Variants in CD96 observed in about 807,000 individuals in gnomAD.
CD96 encodes T-cell surface protein tactile.
Under a neutral mutation model 71.3 loss-of-function variants are expected in CD96, and 70 were observed. The observed-to-expected ratio is 0.98, with a 90% CI of 0.81 to 1.20. CD96 has a LOEUF of 1.20. Ranked by LOEUF, CD96 falls within the 50% of genes most tolerant of loss-of-function variation. The pLI, the probability that CD96 is intolerant of heterozygous loss-of-function variation, is 0.00. For missense variants in CD96, 742 were observed against 677.5 expected (o/e 1.10, Z -1.06); for synonymous variants, 248 against 233.0 (o/e 1.06, Z -0.59).
chr3:111,620,506 T>C (rs1004551623), intron 8 of CD96, among the ~76,000 whole-genome samples: 1 of 152,224 alleles, frequency 6.6e-6, no homozygotes, highest in African/African-American at 2.4e-5. Flanking sequence ...TAAAAGACTT[T>C]AACTCTGACT....
At chr3:111,583,971 A>C (rs1936587711) in intron 4 of CD96, among the ~76,000 whole-genome samples, 1 of 152,234 alleles carries the variant, frequency 6.6e-6, no homozygotes, top group African/African-American at 2.4e-5. Context: ...TCTCCCTAGA[A>C]AATGGGTTTC....
At chr3:111,573,706 T>A (rs1164001144) in intron 3 of CD96, among the ~76,000 whole-genome samples, 2 of 152,240 alleles carry the variant, frequency 1.3e-5, no homozygotes, top group Non-Finnish European at 2.9e-5. Flanking sequence ...CACATAACTA[T>A]AGATTCTCAT....
intron 5 of CD96, 56 bp downstream of exon 5, chr3:111,585,434 G>T: frequency 9.1e-7 from 1 of 1,096,106 alleles, no homozygotes; most frequent in South Asian, 1.2e-5. Flanking sequence ...GGTGTGTCAG[G>T]TTGCATAGTT....
intron 8 of CD96, among the ~76,000 whole-genome samples, chr3:111,617,356 C>T (rs940962535): frequency 3.9e-5 from 6 of 152,166 alleles, no homozygotes; most frequent in South Asian, 4.1e-4. Flanking sequence ...ATAACTTCAT[C>T]GATGACCACT....
intron 3 of CD96, chr3:111,570,853 A>G (rs1231592479): frequency 7.5e-6 from 12 of 1,610,714 alleles, no homozygotes; most frequent in African/African-American, 1.3e-5. Flanking sequence ...CCAGGGTGCA[A>G]GGGTCCTGAC....
At chr3:111,553,657 G>A (rs551248390) in intron 2 of CD96, among the ~76,000 whole-genome samples, 1 of 151,750 alleles carries the variant, frequency 6.6e-6, no homozygotes, top group African/African-American at 2.4e-5. Flanking sequence ...TTTATTTGAT[G>A]TATAGTTTGT....
At chr3:111,660,263 C>A (rs1056327490) in intron 14 of CD96, among the ~76,000 whole-genome samples, 1 of 152,124 alleles carries the variant, frequency 6.6e-6, no homozygotes, top group African/African-American at 2.4e-5. Flanking sequence ...AACCCACTTA[C>A]AATAGCTATG....
downstream of CD96, among the ~76,000 whole-genome samples, chr3:111,657,367 A>G (rs1202194753): frequency 6.6e-6 from 1 of 151,968 alleles, no homozygotes; most frequent in East Asian, 1.9e-4. Flanking sequence ...GTGGTGAGCT[A>G]TCACACCGCT....
chr3:111,567,998 C>G (rs1035183067), intron 3 of CD96, among the ~76,000 whole-genome samples: 2 of 152,190 alleles, frequency 1.3e-5, no homozygotes, highest in Non-Finnish European at 2.9e-5. Flanking sequence ...GTTTCACAAA[C>G]AACATATGCA....
intron 8 of CD96, among the ~76,000 whole-genome samples, chr3:111,612,452 G>A (rs946470133): frequency 6.6e-6 from 1 of 152,114 alleles, no homozygotes; most frequent in Non-Finnish European, 1.5e-5. Flanking sequence ...ATAATACTAA[G>A]CAATAATATT....
intron 8 of CD96, chr3:111,612,830 G>A (rs923247627): frequency 2.6e-5 from 25 of 975,928 alleles, no homozygotes; most frequent in Non-Finnish European, 3.0e-5. Context: ...TCAGACCAGT[G>A]TTTTCCTGAG....
intron 14 of CD96, among the ~76,000 whole-genome samples, chr3:111,661,644 C>T (rs992195931): frequency 1.3e-5 from 2 of 152,242 alleles, no homozygotes; most frequent in African/African-American, 4.8e-5. Context: ...GCAGGGCCAT[C>T]ATTAAATCTT....
chr3:111,662,259 C>G (rs112543132), intron 14 of CD96, among the ~76,000 whole-genome samples: 1 of 152,224 alleles, frequency 6.6e-6, no homozygotes, highest in Non-Finnish European at 1.5e-5. Context: ...CCCAGGAAAC[C>G]ATTTTTCCCT....
chr3:111,660,586 G>A (rs573506754), intron 14 of CD96, among the ~76,000 whole-genome samples: 1 of 152,218 alleles, frequency 6.6e-6, no homozygotes, highest in Admixed American at 6.5e-5. Flanking sequence ...AAAGAACAAA[G>A]CTGGAGGCAT....
intron 11 of CD96, 152 bp from the exon 12 acceptor site, chr3:111,637,927 T>C (rs1939412642): frequency 4.6e-6 from 3 of 648,350 alleles, no homozygotes; most frequent in Admixed American, 2.3e-5. Flanking sequence ...TTGCTATAAA[T>C]TGGTTCTTAA....
At chr3:111,585,613 G>GA (rs146043774) in intron 5 of CD96, among the ~76,000 whole-genome samples, 11,776 of 150,476 alleles carry the variant, frequency 0.078, 628 homozygotes, top group Non-Finnish European at 0.12. Context: ...AAATTTCTCA[G>GA]AAAAAAAAAT....
intron 12 of CD96, among the ~76,000 whole-genome samples, chr3:111,646,978 T>G (rs892738276): frequency 6.6e-6 from 1 of 150,960 alleles, no homozygotes; most frequent in Admixed American, 6.6e-5. Flanking sequence ...GAAAACCATC[T>G]ACAGCATGTT....
chr3:111,638,046 T>G (rs758567949), intron 11 of CD96, 33 bp from the exon 12 acceptor site: 1 of 1,127,746 alleles, frequency 8.9e-7, no homozygotes, highest in Admixed American at 1.7e-5. Flanking sequence ...CAAGTTGAGA[T>G]GTCTTGTCCA....
intron 12 of CD96, among the ~76,000 whole-genome samples, chr3:111,642,021 C>G (rs1004453476): frequency 6.6e-6 from 1 of 152,148 alleles, no homozygotes; most frequent in Non-Finnish European, 1.5e-5. Flanking sequence ...AAGTTCACAG[C>G]CCTAAACACC....
Sources: gnomAD v4.1 joint callset for allele counts (sites outside exome capture counted in the v4.1 genomes callset) on GRCh38, gnomAD v4.1.1 for gene constraint, MANE v1.5 for transcripts, NCBI Gene and HGNC (gene_info 2026-07-23, HGNC 2026-07-21) for gene names.